Variants in MDFIC observed in about 807,000 individuals in gnomAD.
The protein encoded by MDFIC is myoD family inhibitor domain-containing protein.
A neutral mutation model predicts 23.2 loss-of-function variants in MDFIC; 17 were observed. That is an observed-to-expected ratio of 0.73 (90% CI 0.50 to 1.10). The LOEUF (loss-of-function observed/expected upper bound fraction) is 1.10. Among genes scored for constraint, MDFIC ranks in the 50% least tolerant of loss-of-function variants. MDFIC has a pLI of 0.00. For missense variants in MDFIC, 356 were observed against 316.6 expected, an observed-to-expected ratio of 1.12 and a Z score of -0.95; for synonymous variants, 120 against 115.2, an observed-to-expected ratio of 1.04 and a Z score of -0.27.
intron 4 of MDFIC, among the ~76,000 whole-genome samples, chr7:114,989,251 G>T (rs954320119): frequency 2.6e-5 from 4 of 152,138 alleles, no homozygotes; most frequent in African/African-American, 4.8e-5. Flanking sequence ...TTGATGACAG[G>T]TTCAGTAAAA....
In MDFIC at chr7:115,018,101, C is replaced by G. The variant is rs1030694281; in HGVS notation, c.*2166C>G. 1.3e-5 allele frequency: 2 copies of G among 151,906 alleles called. No homozygotes were observed. The highest frequency in any genetic ancestry group is 2.4e-5 in the African/African-American group (1 of 41,422). The allele number at this position is 151,906 out of a possible 1,614,324, so 9.4% of individuals were successfully genotyped here. On this transcript the variant is annotated 3_prime_UTR_variant, in exon 5 of 5. Transcript: ENST00000393486. ...ATCTGAATATAATTCTGGTAAACAG[C>G]TGTCTTCATTTTTCTCCTCTAAAGA...
intron 3 of MDFIC, among the ~76,000 whole-genome samples, chr7:114,976,666 A>G (rs907807961): frequency 3.3e-5 from 5 of 152,186 alleles, no homozygotes; most frequent in Non-Finnish European, 7.4e-5. Context: ...TAAATCAGAT[A>G]TTAATGCTAA....
chr7:114,978,432 T>G (rs1793356014), intron 3 of MDFIC, among the ~76,000 whole-genome samples: 2 of 152,156 alleles, frequency 1.3e-5, no homozygotes, highest in South Asian at 4.1e-4. Flanking sequence ...CTTTCAGTAG[T>G]GTTTTGTAAT....
At chr7:114,995,570 AC>A (rs1274474191) in intron 4 of MDFIC, among the ~76,000 whole-genome samples, 4 of 152,026 alleles carry the variant, frequency 2.6e-5, no homozygotes, top group African/African-American at 9.7e-5. Flanking sequence ...AACAGTCAGG[AC>A]CCTCAGCTGC....
At chr7:114,963,829 C>T (rs896198618) in intron 3 of MDFIC, among the ~76,000 whole-genome samples, 1 of 152,194 alleles carries the variant, frequency 6.6e-6, no homozygotes, top group African/African-American at 2.4e-5. Context: ...ATCCTCCCGC[C>T]TTGGCCTTCC....
chr7:114,983,055 TTTGTA>T (rs1793445005), intron 4 of MDFIC, among the ~76,000 whole-genome samples: 1 of 152,216 alleles, frequency 6.6e-6, no homozygotes, highest in Non-Finnish European at 1.5e-5. Context: ...ACATCTGAGT[TTTGTA>T]GAGGTGACAT....
chr7:114,944,743 G>C (rs535893142), intron 3 of MDFIC, among the ~76,000 whole-genome samples: 16 of 152,216 alleles, frequency 1.1e-4, no homozygotes, highest in African/African-American at 3.6e-4. Context: ...CGCACATTTT[G>C]GGGGCCCAGA....
chr7:114,940,749 A>G (rs1186195042), intron 2 of MDFIC, among the ~76,000 whole-genome samples: 2 of 152,222 alleles, frequency 1.3e-5, no homozygotes, highest in Non-Finnish European at 2.9e-5. Context: ...CACCTAGCAC[A>G]ATGCCTAAAC....
chr7:114,930,887 T>A (rs1369022697), intron 2 of MDFIC, among the ~76,000 whole-genome samples: 1 of 152,228 alleles, frequency 6.6e-6, no homozygotes, highest in Non-Finnish European at 1.5e-5. Flanking sequence ...AGCATTCAGT[T>A]TTTATTAAGA....
chr7:114,997,681 G>A (rs1445027281), intron 4 of MDFIC, among the ~76,000 whole-genome samples: 1 of 151,640 alleles, frequency 6.6e-6, no homozygotes. Flanking sequence ...CCAGGAGCCT[G>A]AGGCTGTGGT....
intron 4 of MDFIC, among the ~76,000 whole-genome samples, chr7:114,988,933 C>A (rs1267074442): frequency 6.6e-6 from 1 of 152,070 alleles, no homozygotes; most frequent in Non-Finnish European, 1.5e-5. Flanking sequence ...AGTGACTCAG[C>A]GATCACTGGA....
intron 2 of MDFIC, among the ~76,000 whole-genome samples, chr7:114,940,341 A>G (rs980441064): frequency 5.9e-5 from 9 of 152,198 alleles, no homozygotes; most frequent in Admixed American, 5.9e-4. Context: ...TTGTTGTGAA[A>G]TCCCCATGGT....
At chr7:114,953,829 A>G (rs1268757521) in intron 3 of MDFIC, among the ~76,000 whole-genome samples, 1 of 152,204 alleles carries the variant, frequency 6.6e-6, no homozygotes, top group African/African-American at 2.4e-5. Context: ...ATAATACCTA[A>G]TACAATGTAA....
At chr7:114,922,812 T>C in intron 1 of MDFIC, 115 bp from the exon 2 acceptor site, 3 of 1,353,658 alleles carry the variant, frequency 2.2e-6, no homozygotes, top group South Asian at 1.5e-5. Context: ...AAATCAAAAC[T>C]TCCCCGGGGT....
intron 4 of MDFIC, among the ~76,000 whole-genome samples, chr7:115,002,887 G>C (rs1791491719): frequency 6.6e-6 from 1 of 152,178 alleles, no homozygotes; most frequent in African/African-American, 2.4e-5. Context: ...TATGTGTAGT[G>C]AGTGTGTGTA....
Position 114,922,555 on chromosome 7 carries a change from C to A in MDFIC, c.-189C>A. 2 of 1,267,690 alleles carry A rather than the reference C, an allele frequency of 1.6e-6. No homozygotes were observed. The highest frequency in any genetic ancestry group is 2.0e-6 in the Non-Finnish European group (2 of 1,000,214). 78.5% of individuals were successfully genotyped at this position (1,267,690 alleles called of 1,614,324 possible). ...ACCGGGGCGAAAATGCGGCCGCTGC[C>A]GGAGGCTCGCTAACTTTCCGGGGCG... On this transcript the variant is annotated 5_prime_UTR_variant, in exon 1 of 5. Transcript: ENST00000393486.
At chr7:115,008,260 T>C (rs1244129125) in intron 4 of MDFIC, among the ~76,000 whole-genome samples, 1 of 151,668 alleles carries the variant, frequency 6.6e-6, no homozygotes, top group Non-Finnish European at 1.5e-5. Flanking sequence ...AGGAAACTTA[T>C]TGAGGAGTCA....
chr7:114,942,369 A>G lies in MDFIC; in HGVS notation c.189A>G (p.Gly63=), dbSNP rs754789713. 2.5e-6 allele frequency: 4 copies of G among 1,604,016 alleles called. No individual in the cohort carries two copies. In the Admixed American group the frequency reaches 6.8e-5, roughly 27 times the overall value. The change falls in exon 3 of 5, where the codon GGA becomes GGG. Residue 63 remains glycine (G), a synonymous_variant. Transcript: ENST00000393486. ...AGATGCAAGACCAGTCCATTTGGGGAAATCCTTCGGATGGTGAACTCATTA... is the reference window on the plus strand; with the variant it reads ...AGATGCAAGACCAGTCCATTTGGGGGAATCCTTCGGATGGTGAACTCATTA... The part of the protein sequence containing the change: ...HGEMQDQSIW[G]NPSDGELIRT...
At chr7:114,984,224 C>T (rs553550496) in intron 4 of MDFIC, among the ~76,000 whole-genome samples, 1 of 152,256 alleles carries the variant, frequency 6.6e-6, no homozygotes, top group East Asian at 1.9e-4. Context: ...CTCTTAAAGC[C>T]CTTCTTACCA....
Sources: allele counts gnomAD v4.1 joint callset (sites outside exome capture counted in the v4.1 genomes callset), GRCh38; gene constraint gnomAD v4.1.1; transcripts MANE v1.5; gene names NCBI Gene and HGNC (gene_info 2026-07-23, HGNC 2026-07-21).